UBE2D2: variants seen among roughly 807,000 people sequenced by gnomAD.
UBE2D2 encodes the protein ubiquitin-conjugating enzyme E2 D2.
In UBE2D2, 2 loss-of-function variants were observed where a neutral mutation model predicts 24.2. That is an observed-to-expected ratio of 0.08 (90% CI 0.03 to 0.26). The LOEUF (loss-of-function observed/expected upper bound fraction) is 0.26. Ranked by LOEUF, UBE2D2 falls within the 10% of genes least tolerant of loss-of-function variation. UBE2D2 has a pLI of 1.00. For synonymous variants in UBE2D2, 58 were observed against 56.5 expected (o/e 1.03, Z -0.12); for missense variants, 44 against 177.6 (o/e 0.25, Z 4.28).
At chr5:139,603,960 A>T (rs912709056) in intron 2 of UBE2D2, among the ~76,000 whole-genome samples, 29 of 152,196 alleles carry the variant, frequency 1.9e-4, no homozygotes, top group East Asian at 1.9e-4. Context: ...AAAAAAACAA[A>T]CAAACTCTCC....
chr5:139,623,597 G>T (rs1341881929), intron 6 of UBE2D2, 136 bp downstream of exon 6: 3 of 553,238 alleles, frequency 5.4e-6, no homozygotes, highest in African/African-American at 3.8e-5. Flanking sequence ...GGCTAGAAAA[G>T]AGAAATATAT....
At chr5:139,623,688 T>TTTTTTTTTGTTTG in intron 6 of UBE2D2, 2 of 391,304 alleles carry the variant, frequency 5.1e-6, no homozygotes, top group Admixed American at 4.2e-5. Flanking sequence ...ACAAAAACTT[T>TTTTTTTTTGTTTG]TTTTTTTGTT....
intron 1 of UBE2D2, among the ~76,000 whole-genome samples, chr5:139,587,532 A>G (rs2126672005): frequency 2.0e-5 from 3 of 152,102 alleles, no homozygotes; most frequent in Middle Eastern, 3.4e-3. Flanking sequence ...TAAAAAAAAT[A>G]GCCGGGCGTG....
chr5:139,585,029 T>C lies in UBE2D2; in HGVS notation c.25-15343T>C, dbSNP rs1030795975. On this transcript the variant is annotated intron_variant, in intron 1 of 6. Transcript: ENST00000398733. ...GATTATCTTGCCTCAGCCTCCCATG[T>C]AGCTGGGATTACAGGCATGCACCAC... Among the ~76,000 whole-genome samples, 11 of 151,704 alleles carry C rather than the reference T, an allele frequency of 7.3e-5. No individual in the cohort carries two copies. In the South Asian group the frequency reaches 2.1e-3, roughly 29 times the overall value.
intron 1 of UBE2D2, among the ~76,000 whole-genome samples, chr5:139,565,534 A>AC (rs1168687707): frequency 6.6e-6 from 1 of 151,940 alleles, no homozygotes; most frequent in Non-Finnish European, 1.5e-5. Context: ...TAGCAGCACC[A>AC]CCCCCAGCCC....
chr5:139,545,721 G>A (rs1016504486), intron 1 of UBE2D2, among the ~76,000 whole-genome samples: 3 of 150,184 alleles, frequency 2.0e-5, no homozygotes, highest in African/African-American at 7.4e-5. Flanking sequence ...ACTGAGCCCA[G>A]CCTACATTTT....
intron 1 of UBE2D2, among the ~76,000 whole-genome samples, chr5:139,548,179 A>AT (rs1561498565): frequency 1.7e-4 from 7 of 40,244 alleles, no homozygotes; most frequent in Middle Eastern, 0.025. Context: ...AAAAAAAAAA[A>AT]AAAATAAAAA....
chr5:139,596,192 T>A (rs184132945), intron 1 of UBE2D2, among the ~76,000 whole-genome samples: 7 of 149,960 alleles, frequency 4.7e-5, no homozygotes, highest in Admixed American at 4.0e-4. Flanking sequence ...GTGCCTGGCG[T>A]TTCTTGTGTA....
upstream of UBE2D2, among the ~76,000 whole-genome samples, chr5:139,558,570 G>A (rs1337660990): frequency 6.6e-6 from 1 of 152,142 alleles, no homozygotes; most frequent in Non-Finnish European, 1.5e-5. Flanking sequence ...TTACAGGCGT[G>A]AGCCACCGCG....
chr5:139,561,892 C>A lies in UBE2D2; in HGVS notation c.24+77C>A, dbSNP rs1215667427. On this transcript the variant is annotated intron_variant, in intron 1 of 6. Transcript: ENST00000398733. ...CTGCACTTCCCGCCGTAGTCTCCGT[C>A]GGGCTCGCGGCCTCCTTGGATCTTG... is the stretch of plus-strand genomic sequence containing the variant. The A allele has an allele frequency of 9.1e-6, 13 of 1,430,790 alleles. 1 individual carries two copies. The Admixed American group carries it at 3.4e-4, about 37-fold the overall frequency. 88.6% of individuals were successfully genotyped at this position (1,430,790 alleles called of 1,614,324 possible). A position where few individuals can be genotyped will look rare whatever the true frequency, so the allele number is the denominator to read the frequency against.
intron 1 of UBE2D2, among the ~76,000 whole-genome samples, chr5:139,568,038 C>T (rs1374306156): frequency 1.3e-5 from 2 of 152,136 alleles, no homozygotes; most frequent in Non-Finnish European, 2.9e-5. Flanking sequence ...CTGAACAGTA[C>T]TGTATTTTAA....
chr5:139,547,977 G>A (rs1044698222), intron 1 of UBE2D2, among the ~76,000 whole-genome samples: 1 of 151,666 alleles, frequency 6.6e-6, no homozygotes, highest in Non-Finnish European at 1.5e-5. Context: ...TTACAGGCGT[G>A]AGCCACCGAG....
chr5:139,608,182 A>G (rs1247659389), intron 2 of UBE2D2, among the ~76,000 whole-genome samples: 1 of 152,082 alleles, frequency 6.6e-6, no homozygotes, highest in Non-Finnish European at 1.5e-5. Context: ...CTGTAATCCT[A>G]GCACTTTGGG....
rs570407768 is a variant in UBE2D2 at position 139,584,784 on chromosome 5, C to T, written c.25-15588C>T. On this transcript the variant is annotated intron_variant, in intron 1 of 6. Coordinates refer to ENST00000398733, the MANE Select transcript of UBE2D2 (RefSeq NM_003339.3). The stretch of plus-strand genomic sequence containing the variant: ...CTGACCTCAGGTGATCCACCTGCCT[C>T]GGCCTCCCAAAGTGTTGGGATTACA... Among the ~76,000 whole-genome samples the T allele has an allele frequency of 4.6e-5, 7 of 152,074 alleles. No homozygotes were observed. The East Asian group carries it at 7.7e-4, about 17-fold the overall frequency.
At chr5:139,608,172 C>T (rs551130837) in intron 2 of UBE2D2, among the ~76,000 whole-genome samples, 13 of 152,142 alleles carry the variant, frequency 8.5e-5, no homozygotes, top group Admixed American at 6.6e-5. Flanking sequence ...TAGCTCACGG[C>T]TGTAATCCTA....
intron 1 of UBE2D2, among the ~76,000 whole-genome samples, chr5:139,535,458 A>C (rs554587770): frequency 5.3e-5 from 8 of 151,662 alleles, no homozygotes; most frequent in South Asian, 2.1e-4. Context: ...TCAAAAAAAA[A>C]CAAAAAACAA....
chr5:139,528,844 G>T (rs187647197), intron 1 of UBE2D2, among the ~76,000 whole-genome samples: 1 of 152,064 alleles, frequency 6.6e-6, no homozygotes, highest in Non-Finnish European at 1.5e-5. Context: ...CTGAGACCAC[G>T]CTTAAACATC....
intron 1 of UBE2D2, among the ~76,000 whole-genome samples, chr5:139,572,399 T>G (rs76604423): frequency 0.015 from 2,264 of 152,156 alleles, 33 homozygotes; most frequent in Middle Eastern, 0.065. Context: ...AGGAGTTCAA[T>G]ACCAGCCTGT....
At chr5:139,568,826 C>T (rs1753295279) in intron 1 of UBE2D2, among the ~76,000 whole-genome samples, 1 of 151,950 alleles carries the variant, frequency 6.6e-6, no homozygotes, top group African/African-American at 2.4e-5. Flanking sequence ...TAAAAATTAG[C>T]CGGGCATGGT....
Sources: allele counts gnomAD v4.1 joint callset (sites outside exome capture counted in the v4.1 genomes callset), GRCh38; gene constraint gnomAD v4.1.1; transcripts MANE v1.5; gene names NCBI Gene and HGNC (gene_info 2026-07-23, HGNC 2026-07-21).